ST3GAL3: variants seen among roughly 807,000 people sequenced by gnomAD.
ST3GAL3 encodes the protein CMP-N-acetylneuraminate-beta-1,4-galactoside alpha-2,3-sialyltransferase.
Under a neutral mutation model 50.1 loss-of-function variants are expected in ST3GAL3, and 21 were observed. The ratio of observed to expected loss-of-function variants is 0.42; its 90% CI spans 0.30 to 0.60. The LOEUF (loss-of-function observed/expected upper bound fraction) is 0.60, where lower values mean the gene tolerates loss of function less well. ST3GAL3 is among the 20% of genes least tolerant of loss of function. The pLI is 0.19. For missense variants in ST3GAL3, 353 were observed against 489.4 expected, an observed-to-expected ratio of 0.72 and a Z score of 2.63; for synonymous variants, 183 against 190.0, an observed-to-expected ratio of 0.96 and a Z score of 0.30.
chr1:43,717,080 T>G (rs1449998949), intron 1 of ST3GAL3, among the ~76,000 whole-genome samples: 1 of 152,250 alleles, frequency 6.6e-6, no homozygotes, highest in Admixed American at 6.5e-5. Context: ...GCCCTTCTGC[T>G]TCAGCTTCCC....
At chr1:43,836,009 T>A (rs74073315) in intron 4 of ST3GAL3, among the ~76,000 whole-genome samples, 1 of 152,208 alleles carries the variant, frequency 6.6e-6, no homozygotes, top group South Asian at 2.1e-4. Context: ...GTTCCTCCAC[T>A]GGTGTTAGAG....
At chr1:43,842,245 T>C (rs1028826790) in intron 5 of ST3GAL3, 1 of 152,162 alleles carries the variant, frequency 6.6e-6, no homozygotes, top group Non-Finnish European at 1.5e-5. Context: ...TCCAAACTCT[T>C]CCAACCTCTA....
At chr1:43,814,970 G>A (rs2061054141) in intron 4 of ST3GAL3, 37 bp downstream of exon 4, 3 of 1,607,942 alleles carry the variant, frequency 1.9e-6, no homozygotes, top group Non-Finnish European at 2.6e-6. Flanking sequence ...CTCTGTGGCA[G>A]AGAGGTCTGT....
intron 9 of ST3GAL3, among the ~76,000 whole-genome samples, chr1:43,909,585 G>A (rs978423253): frequency 1.4e-4 from 21 of 152,118 alleles, no homozygotes; most frequent in Admixed American, 7.9e-4. Context: ...ACTAAAAAGC[G>A]AAATATAAAA....
At chr1:43,748,158 C>T (rs995945698) in intron 2 of ST3GAL3, among the ~76,000 whole-genome samples, 5 of 152,078 alleles carry the variant, frequency 3.3e-5, no homozygotes, top group Admixed American at 6.5e-5. Flanking sequence ...AACAATATCA[C>T]ACAATATATA....
intron 1 of ST3GAL3, among the ~76,000 whole-genome samples, chr1:43,731,674 G>C (rs1675950856): frequency 6.6e-6 from 1 of 151,460 alleles, no homozygotes; most frequent in Admixed American, 6.6e-5. Flanking sequence ...TGGGATTGTA[G>C]GCGTGAGCCA....
intron 2 of ST3GAL3, among the ~76,000 whole-genome samples, chr1:43,771,728 AG>A (rs1558229832): frequency 1.8e-5 from 2 of 111,012 alleles, no homozygotes; most frequent in Admixed American, 1.7e-4. Context: ...GTTTTAATAA[AG>A]TTGTGTGTGT....
rs146664257 is a variant in ST3GAL3 at position 43,776,849 on chromosome 1, C to T, written c.119-15253C>T. On this transcript the variant is annotated intron_variant, in intron 2 of 11. Transcript: ENST00000347631. ...AATGGAAATATTATAAATTGCTAGGCGTACAAAATTTCTCATGAGAAAGTA... is the reference window on the plus strand; with the variant it reads ...AATGGAAATATTATAAATTGCTAGGTGTACAAAATTTCTCATGAGAAAGTA... Among the ~76,000 whole-genome samples, 328 of 152,250 alleles carry T rather than the reference C, an allele frequency of 2.2e-3. 1 individual carries two copies. The highest frequency in any genetic ancestry group is 7.5e-3 in the African/African-American group (311 of 41,546).
In ST3GAL3 at chr1:43,714,093, G is replaced by A. The variant is rs192184778; in HGVS notation, c.-31+6400G>A. ...AGCCTGGCCAATGTGTTGAAACCCC[G>A]TCTCTATTAAAAATACAAAAAGTAG... On this transcript the variant is annotated intron_variant, in intron 1 of 11. Coordinates refer to ENST00000347631, the MANE Select transcript of ST3GAL3 (RefSeq NM_006279.5). Among the ~76,000 whole-genome samples, 157 of 151,746 alleles carry A rather than the reference G, an allele frequency of 1.0e-3. 1 individual carries two copies. The East Asian group carries it at 0.025, about 25-fold the overall frequency.
At chr1:43,786,355 G>A (rs1313691680) in intron 2 of ST3GAL3, among the ~76,000 whole-genome samples, 1 of 152,092 alleles carries the variant, frequency 6.6e-6, no homozygotes, top group Non-Finnish European at 1.5e-5. Flanking sequence ...CTCTGACCTC[G>A]TTTTCCCACC....
At chr1:43,867,621 A>AG (rs11442409) in intron 5 of ST3GAL3, among the ~76,000 whole-genome samples, 130,147 of 152,138 alleles carry the variant, frequency 0.86, 55,898 homozygotes, top group East Asian at 0.91. Context: ...GCAGCTTGTA[A>AG]ACAAATCTAC....
At chr1:43,870,120 C>G (rs1052759006) in intron 5 of ST3GAL3, among the ~76,000 whole-genome samples, 13 of 152,226 alleles carry the variant, frequency 8.5e-5, no homozygotes, top group African/African-American at 3.1e-4. Context: ...ACCACCTTCT[C>G]TCTTTGGACA....
Position 43,827,572 on chromosome 1 carries a change from G to A in ST3GAL3, c.210-10647G>A, listed in dbSNP as rs139425795. Among the ~76,000 whole-genome samples, 28 of 152,156 alleles carry A rather than the reference G, an allele frequency of 1.8e-4. 1 individual carries two copies. In the East Asian group the frequency reaches 5.0e-3, roughly 27 times the overall value. Reference sequence around the variant, plus strand: ...GGCTGGAGTGTAGCGGTGCAACCACGGCTCACTGCTGTCTCGACCTCCCAG... The same window carrying A: ...GGCTGGAGTGTAGCGGTGCAACCACAGCTCACTGCTGTCTCGACCTCCCAG... On this transcript the variant is annotated intron_variant, in intron 4 of 11. Transcript: ENST00000347631.
chr1:43,917,637 A>AT (rs1482229993), intron 9 of ST3GAL3, among the ~76,000 whole-genome samples: 7 of 68,322 alleles, frequency 1.0e-4, no homozygotes, highest in South Asian at 3.5e-4. Context: ...TATAATATAT[A>AT]ATATAATATA....
intron 2 of ST3GAL3, among the ~76,000 whole-genome samples, chr1:43,774,870 A>G (rs1049375323): frequency 6.6e-6 from 1 of 152,214 alleles, no homozygotes; most frequent in Non-Finnish European, 1.5e-5. Context: ...TGTCACCTCA[A>G]GTTTTCAATC....
At position 43,920,631 on chromosome 1, in the gene ST3GAL3, G is replaced by A; in HGVS notation, c.891+81G>A. On this transcript the variant is annotated intron_variant, in intron 10 of 11. Coordinates refer to ENST00000347631, the MANE Select transcript of ST3GAL3 (RefSeq NM_006279.5). Reference sequence around the variant, plus strand: ...GGAAGGAAGGGTGGGTGGTGGGTGGGGCAGTGCTTCTGCAAAATAGCTTTC... The same window carrying A: ...GGAAGGAAGGGTGGGTGGTGGGTGGAGCAGTGCTTCTGCAAAATAGCTTTC... 2.6e-6 allele frequency: 4 copies of A among 1,524,250 alleles called. No individual in the cohort carries two copies. The Admixed American group carries it at 5.1e-5, about 19-fold the overall frequency. 94.4% of individuals were successfully genotyped at this position (1,524,250 alleles called of 1,614,324 possible).
intron 5 of ST3GAL3, among the ~76,000 whole-genome samples, chr1:43,848,403 T>C (rs892400797): frequency 6.7e-6 from 1 of 149,462 alleles, no homozygotes. Context: ...CCTCCTGGGT[T>C]CAAGCAATTC....
At chr1:43,796,948 C>T (rs1451515971) in intron 3 of ST3GAL3, among the ~76,000 whole-genome samples, 1 of 152,220 alleles carries the variant, frequency 6.6e-6, no homozygotes, top group Non-Finnish European at 1.5e-5. Flanking sequence ...CTTTGGGAGG[C>T]TGAGGCAGAA....
intron 11 of ST3GAL3, among the ~76,000 whole-genome samples, chr1:43,925,247 A>G (rs1286999580): frequency 7.0e-6 from 1 of 143,054 alleles, no homozygotes; most frequent in African/African-American, 2.5e-5. Context: ...CAGTGAGCCA[A>G]GATAGCTCTA....
Sources: allele counts gnomAD v4.1 joint callset (sites outside exome capture counted in the v4.1 genomes callset), GRCh38; gene constraint gnomAD v4.1.1; transcripts MANE v1.5; gene names NCBI Gene and HGNC (gene_info 2026-07-23, HGNC 2026-07-21).